FAF1: variants seen among roughly 807,000 people sequenced by gnomAD.
The protein encoded by FAF1 is Fas associated factor 1, also known as FAS-associated factor 1.
In FAF1, 25 loss-of-function variants were observed where a neutral mutation model predicts 92.5. That is an observed-to-expected ratio of 0.27 (90% CI 0.20 to 0.38). The LOEUF is 0.38. FAF1 is among the 10% of genes least tolerant of loss of function. FAF1 has a pLI of 1.00. For synonymous variants in FAF1, 234 were observed against 273.2 expected (o/e 0.86, Z 1.42); for missense variants, 636 against 793.3 (o/e 0.80, Z 2.38).
At position 50,635,606 on chromosome 1, in the gene FAF1, G is replaced by A. The variant is rs529154149; in HGVS notation, c.744+19836C>T. ...ATACCCAACTAATTTTTGTATTTTT[G>A]ATAGAGATGGAGTTTCACCATGTTG... On this transcript the variant is annotated intron_variant, in intron 8 of 18. Transcript: ENST00000396153. 4.6e-5 allele frequency among the ~76,000 whole-genome samples: 7 copies of A among 152,128 alleles called. No individual in the cohort carries two copies. In the South Asian group the frequency reaches 1.5e-3, roughly 32 times the overall value.
chr1:50,657,075 G>C (rs1412097938), intron 7 of FAF1, among the ~76,000 whole-genome samples: 5 of 151,794 alleles, frequency 3.3e-5, no homozygotes, highest in Admixed American at 6.6e-5. Context: ...AGCTAGGCAT[G>C]GTGGCTCATG....
At position 50,556,856 on chromosome 1, in the gene FAF1, T is replaced by TATAAA. The variant is rs998661342; in HGVS notation, c.1268+10216_1268+10220dup. 1.6e-3 allele frequency among the ~76,000 whole-genome samples: 239 copies of TATAAA among 151,266 alleles called. 1 individual carries two copies. Among genetic ancestry groups the TATAAA allele is most frequent in the Non-Finnish European group, 2.4e-3 (162 of 67,740 alleles). On this transcript the variant is annotated intron_variant, in intron 13 of 18. Coordinates refer to ENST00000396153, the MANE Select transcript of FAF1 (RefSeq NM_007051.3). Reference sequence around the variant, plus strand: ...CTGTCTCAAACATAAAATAAAATAATATAAAATAAAATAAAATAAAATAAA... The same window carrying TATAAA: ...CTGTCTCAAACATAAAATAAAATAATATAAAATAAAATAAAATAAAATAAAATAAA...
At chr1:50,952,478 C>A (rs2124764024) in intron 1 of FAF1, among the ~76,000 whole-genome samples, 1 of 152,360 alleles carries the variant, frequency 6.6e-6, no homozygotes, top group African/African-American at 2.4e-5. Context: ...CTCCCAGCCG[C>A]CTGCCTTGGC....
chr1:50,589,564 T>A (rs74080023), intron 9 of FAF1, among the ~76,000 whole-genome samples: 5,651 of 152,298 alleles, frequency 0.037, 344 homozygotes, highest in African/African-American at 0.13. Flanking sequence ...TTCTCTATAT[T>A]TTATAGACAT....
chr1:50,616,228 TCAATAC>T (rs1178777292), intron 8 of FAF1, among the ~76,000 whole-genome samples: 1 of 152,178 alleles, frequency 6.6e-6, no homozygotes, highest in Non-Finnish European at 1.5e-5. Context: ...TGTTTTTGTA[TCAATAC>T]CATGCTATTT....
intron 9 of FAF1, among the ~76,000 whole-genome samples, chr1:50,585,904 A>G (rs1413429780): frequency 6.6e-6 from 1 of 150,460 alleles, no homozygotes; most frequent in Non-Finnish European, 1.5e-5. Flanking sequence ...AAAAAAAAGA[A>G]AAAAGTCTGG....
chr1:50,805,689 C>T (rs1470044591), intron 2 of FAF1, among the ~76,000 whole-genome samples: 1 of 152,078 alleles, frequency 6.6e-6, no homozygotes, highest in Non-Finnish European at 1.5e-5. Flanking sequence ...TACAGAAAAT[C>T]TTAACTTTAG....
Position 50,567,260 on chromosome 1 carries a change from T to G in FAF1, c.1114-29A>C, listed in dbSNP as rs532228438. On this transcript the variant is annotated intron_variant, in intron 12 of 18. Coordinates refer to ENST00000396153, the MANE Select transcript of FAF1 (RefSeq NM_007051.3). ...AAAAGAGGAGAAAAATCTGATCAAT[T>G]AAAATATCCACTAATGTAAGATTTC... The G allele has an allele frequency of 1.1e-4, 177 of 1,540,526 alleles. 1 individual carries two copies. In the East Asian group the frequency reaches 2.9e-3, roughly 25 times the overall value.
At chr1:50,868,467 C>T (rs1380566526) in intron 1 of FAF1, among the ~76,000 whole-genome samples, 1 of 152,062 alleles carries the variant, frequency 6.6e-6, no homozygotes, top group African/African-American at 2.4e-5. Context: ...GCTTAAGTTG[C>T]TCTTCCAGCT....
chr1:50,703,327 C>T (rs536088423), intron 7 of FAF1, among the ~76,000 whole-genome samples: 1 of 152,220 alleles, frequency 6.6e-6, no homozygotes, highest in South Asian at 2.1e-4. Context: ...ACTTAAGTGT[C>T]ATTGTGGATT....
intron 7 of FAF1, among the ~76,000 whole-genome samples, chr1:50,655,829 A>T (rs1449451099): frequency 1.3e-5 from 2 of 152,182 alleles, no homozygotes; most frequent in Non-Finnish European, 2.9e-5. Context: ...CAGTTCACTA[A>T]GGGCAAAGTA....
chr1:50,608,166 G>A (rs979508057), intron 8 of FAF1, among the ~76,000 whole-genome samples: 1 of 152,176 alleles, frequency 6.6e-6, no homozygotes, highest in African/African-American at 2.4e-5. Flanking sequence ...AGGAAAAGGG[G>A]GATAACTTCT....
At chr1:50,808,361 G>A (rs1031342487) in intron 2 of FAF1, among the ~76,000 whole-genome samples, 5 of 152,100 alleles carry the variant, frequency 3.3e-5, no homozygotes, top group Non-Finnish European at 7.4e-5. Context: ...ATTAAGATGC[G>A]TAACAACCAG....
intron 2 of FAF1, among the ~76,000 whole-genome samples, chr1:50,824,924 T>C (rs981264504): frequency 2.6e-5 from 4 of 151,984 alleles, no homozygotes; most frequent in Non-Finnish European, 5.9e-5. Flanking sequence ...GAGAGTAGAA[T>C]GATGGGAGGG....
chr1:50,872,393 T>C (rs1644536156), intron 1 of FAF1, among the ~76,000 whole-genome samples: 1 of 152,198 alleles, frequency 6.6e-6, no homozygotes, highest in African/African-American at 2.4e-5. Context: ...AATCTTATGA[T>C]AAAACCTGAA....
At chr1:50,502,315 G>A (rs1190907097) in intron 15 of FAF1, among the ~76,000 whole-genome samples, 1 of 152,318 alleles carries the variant, frequency 6.6e-6, no homozygotes, top group East Asian at 1.9e-4. Flanking sequence ...AAGGTTACAT[G>A]AGACTGCTCA....
intron 2 of FAF1, among the ~76,000 whole-genome samples, chr1:50,826,611 A>T (rs1324671567): frequency 6.6e-6 from 1 of 152,118 alleles, no homozygotes; most frequent in African/African-American, 2.4e-5. Context: ...CCTTGGCCAT[A>T]GTCAAGAAAA....
intron 5 of FAF1, among the ~76,000 whole-genome samples, chr1:50,744,448 A>G (rs1240525756): frequency 3.3e-5 from 5 of 152,214 alleles, no homozygotes; most frequent in African/African-American, 1.2e-4. Context: ...TAGAAATAGG[A>G]AAAACATGCC....
At chr1:50,898,933 ATT>A (rs1382723363) in intron 1 of FAF1, among the ~76,000 whole-genome samples, 6 of 152,106 alleles carry the variant, frequency 3.9e-5, no homozygotes, top group Non-Finnish European at 8.8e-5. Context: ...TTCCTCAAAT[ATT>A]TTTGTCTTCT....
Sources: gnomAD v4.1 joint callset for allele counts (sites outside exome capture counted in the v4.1 genomes callset) on GRCh38, gnomAD v4.1.1 for gene constraint, MANE v1.5 for transcripts, NCBI Gene and HGNC (gene_info 2026-07-23, HGNC 2026-07-21) for gene names.